CAMTA1: variants seen among roughly 807,000 people sequenced by gnomAD.
The protein encoded by CAMTA1 is calmodulin binding transcription activator 1.
A neutral mutation model predicts 170.9 loss-of-function variants in CAMTA1; 27 were observed. The ratio of observed to expected loss-of-function variants is 0.16; its 90% CI spans 0.12 to 0.22. The LOEUF (loss-of-function observed/expected upper bound fraction) is 0.22, where lower values mean the gene tolerates loss of function less well. CAMTA1 is among the 10% of genes least tolerant of loss of function. The pLI is 1.00. For missense variants in CAMTA1, 1,619 were observed against 2,217.2 expected, an observed-to-expected ratio of 0.73 and a Z score of 5.42; for synonymous variants, 833 against 891.5, an observed-to-expected ratio of 0.93 and a Z score of 1.17.
intron 3 of CAMTA1, among the ~76,000 whole-genome samples, chr1:6,909,582 G>A (rs1056316391): frequency 6.6e-6 from 1 of 152,228 alleles, no homozygotes; most frequent in African/African-American, 2.4e-5. Flanking sequence ...GGGTTTGGCT[G>A]TATGGGATTG....
chr1:7,374,010 GA>G (rs1262406899), intron 5 of CAMTA1, among the ~76,000 whole-genome samples: 1 of 152,212 alleles, frequency 6.6e-6, no homozygotes, highest in Non-Finnish European at 1.5e-5. Flanking sequence ...GAGCAAGAAG[GA>G]TCCTGACTGG....
intron 22 of CAMTA1, among the ~76,000 whole-genome samples, chr1:7,766,224 C>T (rs762073475): frequency 1.3e-5 from 2 of 150,650 alleles, no homozygotes; most frequent in African/African-American, 4.9e-5. Context: ...ATTCTTAGAG[C>T]GCTCGATGTA....
At chr1:7,497,641 G>A (rs754666652) in intron 6 of CAMTA1, among the ~76,000 whole-genome samples, 16 of 152,170 alleles carry the variant, frequency 1.1e-4, no homozygotes, top group Non-Finnish European at 1.8e-4. Context: ...TCTCATGAAT[G>A]CTACCACTTT....
intron 5 of CAMTA1, among the ~76,000 whole-genome samples, chr1:7,348,108 G>T (rs1323099130): frequency 1.3e-5 from 2 of 152,102 alleles, no homozygotes; most frequent in African/African-American, 2.4e-5. Context: ...CAGGGCCTCT[G>T]GTGTCTCTGC....
chr1:7,511,552 C>T (rs2094201762), intron 6 of CAMTA1, among the ~76,000 whole-genome samples: 1 of 152,122 alleles, frequency 6.6e-6, no homozygotes. Flanking sequence ...TCACATGGAA[C>T]ATCTGGGAAC....
chr1:7,144,985 G>A lies in CAMTA1; in HGVS notation c.302+53614G>A, dbSNP rs2148642441. Among the ~76,000 whole-genome samples the A allele has an allele frequency of 6.6e-6, 1 of 152,384 alleles. No homozygotes were observed. Among genetic ancestry groups the A allele is most frequent in the Non-Finnish European group, 1.5e-5 (1 of 68,044 alleles). ...AGCTCTGCAGCGGTTGGGAGGCTGAGCTGGCCTTGACCTGGATTCGCTTTC... is the reference window on the plus strand; with the variant it reads ...AGCTCTGCAGCGGTTGGGAGGCTGAACTGGCCTTGACCTGGATTCGCTTTC... On this transcript the variant is annotated intron_variant, in intron 4 of 22. Coordinates refer to ENST00000303635, the MANE Select transcript of CAMTA1 (RefSeq NM_015215.4). This position sits in a 1 kb window ranked among gnomAD's most constrained non-coding sequence, Gnocchi z 4.0.
At chr1:6,924,000 C>T (rs1682572934) in intron 3 of CAMTA1, among the ~76,000 whole-genome samples, 1 of 152,172 alleles carries the variant, frequency 6.6e-6, no homozygotes, top group South Asian at 2.1e-4. Flanking sequence ...CTGTGACTTC[C>T]AAAATGAAGG....
chr1:7,062,408 A>G (rs1042728822), intron 3 of CAMTA1, among the ~76,000 whole-genome samples: 1 of 152,210 alleles, frequency 6.6e-6, no homozygotes, highest in African/African-American at 2.4e-5. Context: ...AGAAGATAGA[A>G]TGAGGCAGGA....
intron 5 of CAMTA1, among the ~76,000 whole-genome samples, chr1:7,431,942 T>G (rs1575289883): frequency 6.6e-6 from 1 of 152,196 alleles, no homozygotes; most frequent in Non-Finnish European, 1.5e-5. Flanking sequence ...CCTACCAGAC[T>G]CTAGGACCCC....
chr1:7,236,975 C>T (rs927193579), intron 4 of CAMTA1, among the ~76,000 whole-genome samples: 1 of 152,236 alleles, frequency 6.6e-6, no homozygotes, highest in Non-Finnish European at 1.5e-5. Context: ...CAGGCCCTGT[C>T]TTGTCACGGG....
intron 5 of CAMTA1, among the ~76,000 whole-genome samples, chr1:7,384,296 G>T (rs932157679): frequency 6.6e-6 from 1 of 152,210 alleles, no homozygotes; most frequent in African/African-American, 2.4e-5. Context: ...TCAGTGGCTT[G>T]GTTCCAGTCC....
At chr1:7,516,596 G>C (rs1312753485) in intron 6 of CAMTA1, among the ~76,000 whole-genome samples, 1 of 152,148 alleles carries the variant, frequency 6.6e-6, no homozygotes, top group Non-Finnish European at 1.5e-5. Context: ...GACATTTCAG[G>C]ATTTCATGTT....
rs187978123 is a variant in CAMTA1, at chr1:6,979,821, C to T, written c.235-111483C>T. Among the ~76,000 whole-genome samples, 478 of 150,738 alleles carry T rather than the reference C, an allele frequency of 3.2e-3. 4 individuals carry two copies. The highest frequency in any genetic ancestry group is 0.011 in the African/African-American group (454 of 40,638). On this transcript the variant is annotated intron_variant, in intron 3 of 22. Transcript: ENST00000303635. ...GCTGGGGGAGAGGACCCCCGGCACC[C>T]GGGACACTGTCCTCTCATGGTGGTG...
At chr1:7,058,214 G>A (rs761635251) in intron 3 of CAMTA1, among the ~76,000 whole-genome samples, 1 of 152,102 alleles carries the variant, frequency 6.6e-6, no homozygotes, top group African/African-American at 2.4e-5. Flanking sequence ...ATTCTCCTGC[G>A]GACTCCGATG....
At chr1:7,743,814 C>CT (rs1355824479) in intron 16 of CAMTA1, among the ~76,000 whole-genome samples, 1 of 151,038 alleles carries the variant, frequency 6.6e-6, no homozygotes, top group South Asian at 2.1e-4. Context: ...TTTGAGGATT[C>CT]TTTTTTTCTT....
chr1:7,722,832 C>G (rs2096658479), intron 11 of CAMTA1, among the ~76,000 whole-genome samples: 1 of 152,048 alleles, frequency 6.6e-6, no homozygotes, highest in Non-Finnish European at 1.5e-5. Context: ...CCTGTAATTG[C>G]AGCACTTTGG....
chr1:7,107,078 G>A lies in CAMTA1; in HGVS notation c.302+15707G>A, dbSNP rs115884836. Among the ~76,000 whole-genome samples the A allele has an allele frequency of 9.1e-3, 1,391 of 152,124 alleles. 10 individuals carry two copies. Among genetic ancestry groups the A allele is most frequent in the Middle Eastern group, 0.014 (4 of 294 alleles). ...GAAATGCAATTCCATAATGTCTAGC[G>A]TTAGTCAACAAGCCATTATTGAGTG... On this transcript the variant is annotated intron_variant, in intron 4 of 22. Transcript: ENST00000303635.
At chr1:7,281,360 A>T (rs1671481057) in intron 5 of CAMTA1, among the ~76,000 whole-genome samples, 1 of 152,226 alleles carries the variant, frequency 6.6e-6, no homozygotes. Flanking sequence ...CTGGTCTGCC[A>T]CATGGAGAAA....
At position 6,886,706 on chromosome 1, in the gene CAMTA1, A is replaced by G. The variant is rs185863647; in HGVS notation, c.234+61496A>G. The stretch of plus-strand genomic sequence containing the variant: ...GACAGAACCCTCCACACCCTACCAC[A>G]TGCTTCCAGCTCATCCCATGAAAAC... On this transcript the variant is annotated intron_variant, in intron 3 of 22. Transcript: ENST00000303635. Among the ~76,000 whole-genome samples, 52 of 152,364 alleles carry G rather than the reference A, an allele frequency of 3.4e-4. 1 individual carries two copies. In the South Asian group the frequency reaches 8.9e-3, roughly 26 times the overall value.
Sources: allele counts gnomAD v4.1 joint callset (sites outside exome capture counted in the v4.1 genomes callset), GRCh38; gene constraint gnomAD v4.1.1; non-coding constraint Gnocchi (gnomAD v3.1); transcripts MANE v1.5; gene names NCBI Gene and HGNC (gene_info 2026-07-23, HGNC 2026-07-21).